OARD1: variants seen among roughly 807,000 people sequenced by gnomAD.
OARD1 encodes O-acyl-ADP-ribose deacylase 1.
In OARD1, 19 loss-of-function variants were observed where a neutral mutation model predicts 19.7. The ratio of observed to expected loss-of-function variants is 0.96; its 90% CI spans 0.67 to 1.41. OARD1 has a LOEUF of 1.41. Ranked by LOEUF, OARD1 falls within the 40% of genes most tolerant of loss-of-function variation. The pLI, the probability that OARD1 is intolerant of heterozygous loss-of-function variation, is 0.00. For synonymous variants in OARD1, 70 were observed against 61.8 expected, an observed-to-expected ratio of 1.13 and a Z score of -0.62; for missense variants, 190 against 183.8, an observed-to-expected ratio of 1.03 and a Z score of -0.20.
At position 41,068,815 on chromosome 6, in the gene OARD1, C is replaced by T. The variant is rs1763162089; in HGVS notation, c.356+26G>A. ...TAAACCCCACCAATCAATTAAATCT[C>T]CATTTAGGACCATGGATTTCCTTGC... is the stretch of plus-strand genomic sequence containing the variant. On this transcript the variant is annotated intron_variant, in intron 5 of 5. Transcript: ENST00000424266. 2.5e-6 allele frequency: 3 copies of T among 1,206,302 alleles called. No homozygotes were observed. In the East Asian group the frequency reaches 7.3e-5, roughly 29 times the overall value. The allele number at this position is 1,206,302 out of a possible 1,614,324, so 74.7% of individuals were successfully genotyped here. A position where few individuals can be genotyped will look rare whatever the true frequency, so the allele number is the denominator to read the frequency against.
At chr6:41,069,203 T>A (rs28617645) in intron 4 of OARD1, 1 of 313,504 alleles carries the variant, frequency 3.2e-6, no homozygotes, top group Non-Finnish European at 5.8e-6. Context: ...AGGAAACCCA[T>A]GAGATTAGCA....
intron 1 of OARD1, chr6:41,094,311 C>CT: frequency 8.5e-7 from 1 of 1,180,752 alleles, no homozygotes; most frequent in Non-Finnish European, 1.2e-6. Flanking sequence ...CTGTCTTAAA[C>CT]TTTGGAGAAT....
intron 1 of OARD1, among the ~76,000 whole-genome samples, chr6:41,081,483 C>A (rs563238303): frequency 6.0e-5 from 9 of 150,776 alleles, no homozygotes; most frequent in African/African-American, 2.2e-4. Context: ...GAGCGAGACT[C>A]CGTCTCAAAA....
intron 1 of OARD1, among the ~76,000 whole-genome samples, chr6:41,096,020 T>C (rs537816627): frequency 1.3e-5 from 2 of 152,328 alleles, no homozygotes; most frequent in South Asian, 4.1e-4. Context: ...TATTGCAATA[T>C]CCATCAAATT....
chr6:41,090,191 T>G (rs2113812767), intron 1 of OARD1: 2 of 1,557,478 alleles, frequency 1.3e-6, no homozygotes, highest in Non-Finnish European at 1.8e-6. Flanking sequence ...GTGTCATTAC[T>G]TATTTCCTCC....
At chr6:41,096,297 T>TGA (rs1296311084) in intron 1 of OARD1, among the ~76,000 whole-genome samples, 1 of 152,212 alleles carries the variant, frequency 6.6e-6, no homozygotes, top group African/African-American at 2.4e-5. Flanking sequence ...ACCTGTAGTG[T>TGA]GAGAGCCCCT....
intron 1 of OARD1, among the ~76,000 whole-genome samples, chr6:41,094,199 AC>A (rs777984808): frequency 1.3e-5 from 2 of 152,158 alleles, no homozygotes; most frequent in Non-Finnish European, 1.5e-5. Flanking sequence ...TCACAGTCTT[AC>A]AGTAGTTATA....
At position 41,071,122 on chromosome 6, in the gene OARD1, CA is replaced by C. The variant is rs773173480; in HGVS notation, c.184+9del. On this transcript the variant is annotated intron_variant, in intron 3 of 5. Transcript: ENST00000424266. ...CAGGGCAAACCAGGTAAGTGGTTTC[CA>C]AAACTCACGTTGATTTAAAAGTTCT... is the stretch of plus-strand genomic sequence containing the variant. 5.6e-6 allele frequency: 9 copies of C among 1,613,958 alleles called. No homozygotes were observed. Among genetic ancestry groups the C allele is most frequent in the Non-Finnish European group, 7.6e-6 (9 of 1,179,960 alleles).
intron 1 of OARD1, among the ~76,000 whole-genome samples, chr6:41,081,842 A>C (rs1582025238): frequency 6.6e-6 from 1 of 152,206 alleles, no homozygotes; most frequent in Non-Finnish European, 1.5e-5. Context: ...TGTAAGTCTT[A>C]GGTGTTAAAG....
upstream of OARD1, among the ~76,000 whole-genome samples, chr6:41,073,901 C>A (rs888068688): frequency 9.9e-5 from 15 of 151,648 alleles, no homozygotes; most frequent in Non-Finnish European, 2.1e-4. Flanking sequence ...CGCACACCTC[C>A]GTCTTGGAGC....
intron 1 of OARD1, among the ~76,000 whole-genome samples, chr6:41,087,666 C>T (rs898606161): frequency 4.6e-5 from 7 of 152,116 alleles, no homozygotes; most frequent in African/African-American, 1.7e-4. Flanking sequence ...ATATAAAATA[C>T]AAGACATTTT....
At chr6:41,068,540 G>C (rs1466168916) in intron 5 of OARD1, among the ~76,000 whole-genome samples, 1 of 152,250 alleles carries the variant, frequency 6.6e-6, no homozygotes, top group Non-Finnish European at 1.5e-5. Flanking sequence ...CAAGCTTCAA[G>C]CAGAGGGTGC....
At chr6:41,090,305 G>A in intron 1 of OARD1, 2 of 1,612,114 alleles carry the variant, frequency 1.2e-6, no homozygotes, top group South Asian at 1.1e-5. Flanking sequence ...CCATTCTCCA[G>A]CAAGGTAAGT....
intron 1 of OARD1, among the ~76,000 whole-genome samples, chr6:41,081,971 C>G (rs578008292): frequency 2.0e-5 from 3 of 152,220 alleles, no homozygotes. Context: ...CAGCACTAGT[C>G]TACTCTGTGT....
intron 4 of OARD1, chr6:41,069,375 TCTCTCTACATAAAACAAC>T (rs1371311296): frequency 6.5e-6 from 1 of 154,904 alleles, no homozygotes; most frequent in African/African-American, 2.4e-5. Flanking sequence ...TTGCTTTTTG[TCTCTCTACATAAAACAAC>T]AGAAAAAACT....
chr6:41,069,859 C>G (rs1381374740), intron 4 of OARD1: 1 of 614,534 alleles, frequency 1.6e-6, no homozygotes, highest in Non-Finnish European at 3.0e-6. Context: ...TCCCACAGAG[C>G]TGGGATGCAG....
Position 41,071,169 on chromosome 6 carries a change from C to T in OARD1, c.147G>A (p.Lys49=). The change falls in exon 3 of 6, where the codon AAG becomes AAA. Residue 49 remains lysine, a synonymous_variant. Transcript: ENST00000424266. ...GTTCTTGCACCCCTCCAAATTTCTT[C>T]TTAAAGAGGACAGCTATCCCAGCGC... The part of the protein sequence containing the change: ...RMGAGIAVLF[K]KKFGGVQELL... 6.2e-7 allele frequency: 1 copy of T among 1,614,232 alleles called. No individual in the cohort carries two copies. Among genetic ancestry groups the T allele is most frequent in the Non-Finnish European group, 8.5e-7 (1 of 1,180,036 alleles).
Position 41,067,392 on chromosome 6 carries a change from C to T in OARD1, c.402G>A (p.Ala134=), listed in dbSNP as rs746965444. ...TTGCCTCAAATACCTCCTCGATCAT[C>T]GCAGATACATTTTCCCATTGCAGAC... ...LDRLQWENVS[A]MIEEVFEATD... Residue 134 remains alanine, a synonymous_variant, in exon 6 of 6, where the codon GCG becomes GCA. Transcript: ENST00000424266. 20 of 1,613,788 alleles carry T rather than the reference C, an allele frequency of 1.2e-5. No homozygotes were observed. The highest frequency in any genetic ancestry group is 1.5e-5 in the Non-Finnish European group (18 of 1,179,698).
At chr6:41,086,947 G>T (rs1490564834) in intron 1 of OARD1, among the ~76,000 whole-genome samples, 1 of 151,952 alleles carries the variant, frequency 6.6e-6, no homozygotes, top group Non-Finnish European at 1.5e-5. Context: ...CTATAGAGAA[G>T]GATATTTTTA....
Sources: gnomAD v4.1 joint callset for allele counts (sites outside exome capture counted in the v4.1 genomes callset) on GRCh38, gnomAD v4.1.1 for gene constraint, MANE v1.5 for transcripts, NCBI Gene and HGNC (gene_info 2026-07-23, HGNC 2026-07-21) for gene names.